SCHIP1: variants seen among roughly 807,000 people sequenced by gnomAD.
The protein encoded by SCHIP1 is schwannomin-interacting protein 1.
SCHIP1 carries 8 observed loss-of-function variants against 29.7 expected under a neutral mutation model. That is an observed-to-expected ratio of 0.27 (90% CI 0.16 to 0.49). SCHIP1 has a LOEUF of 0.49. Among genes scored for constraint, SCHIP1 ranks in the 20% least tolerant of loss-of-function variants. SCHIP1 has a pLI of 0.99. For missense variants in SCHIP1, 193 were observed against 294.6 expected, an observed-to-expected ratio of 0.66 and a Z score of 2.52; for synonymous variants, 76 against 94.9, an observed-to-expected ratio of 0.80 and a Z score of 1.16.
chr3:159,893,118 C>T (rs1560099876), intron 6 of SCHIP1: 1 of 152,068 alleles, frequency 6.6e-6, no homozygotes, highest in Non-Finnish European at 1.5e-5. Flanking sequence ...GACCTCATCT[C>T]AATGTGTAAT....
chr3:159,602,099 T>C, the SCHIP1 span, among the ~76,000 whole-genome samples: 1 of 152,202 alleles, frequency 6.6e-6, no homozygotes, highest in South Asian at 2.1e-4. Flanking sequence ...AGCTCTCCCA[T>C]GGTTCACATC....
At chr3:159,290,493 A>G in the SCHIP1 span, among the ~76,000 whole-genome samples, 1 of 152,166 alleles carries the variant, frequency 6.6e-6, no homozygotes, top group Non-Finnish European at 1.5e-5. Flanking sequence ...TTGAACTTGG[A>G]ACAAGGTAAA....
At chr3:159,859,705 G>A (rs1359231503) in intron 1 of SCHIP1, among the ~76,000 whole-genome samples, 1 of 152,210 alleles carries the variant, frequency 6.6e-6, no homozygotes, top group Non-Finnish European at 1.5e-5. Flanking sequence ...CATGCCACAT[G>A]GAACAGATGT....
At chr3:159,566,785 A>G in the SCHIP1 span, among the ~76,000 whole-genome samples, 1 of 152,202 alleles carries the variant, frequency 6.6e-6, no homozygotes, top group African/African-American at 2.4e-5. Context: ...GGAGGTAACC[A>G]GGAGCAGACC....
At chr3:159,564,244 A>G in the SCHIP1 span, among the ~76,000 whole-genome samples, 1 of 152,208 alleles carries the variant, frequency 6.6e-6, no homozygotes, top group Non-Finnish European at 1.5e-5. Context: ...ACAAGTGCAT[A>G]AGTCCTAAGT....
chr3:159,443,295 A>G, the SCHIP1 span, among the ~76,000 whole-genome samples: 1 of 152,180 alleles, frequency 6.6e-6, no homozygotes, highest in Non-Finnish European at 1.5e-5. Flanking sequence ...TGGTTCTGAA[A>G]TCTTTGGCGT....
the SCHIP1 span, among the ~76,000 whole-genome samples, chr3:159,523,034 C>G: frequency 6.6e-6 from 1 of 152,162 alleles, no homozygotes; most frequent in Non-Finnish European, 1.5e-5. Flanking sequence ...GCCTCAACAA[C>G]TATCACATAT....
At chr3:159,398,281 G>A in the SCHIP1 span, among the ~76,000 whole-genome samples, 22 of 152,164 alleles carry the variant, frequency 1.4e-4, no homozygotes, top group South Asian at 4.2e-4. Context: ...GAAATCACCC[G>A]TCTTCTGCGT....
chr3:159,817,343 G>T, the SCHIP1 span, among the ~76,000 whole-genome samples: 1 of 152,144 alleles, frequency 6.6e-6, no homozygotes, highest in African/African-American at 2.4e-5. Context: ...GAGGAGAGGT[G>T]CATTGTCAAT....
the SCHIP1 span, among the ~76,000 whole-genome samples, chr3:159,690,516 A>G: frequency 1.3e-5 from 2 of 151,968 alleles, no homozygotes; most frequent in African/African-American, 4.8e-5. Context: ...CTAGCAGTCT[A>G]TCTATTTTGT....
chr3:159,274,020 A>C, the SCHIP1 span: 1 of 1,487,354 alleles, frequency 6.7e-7, no homozygotes, highest in South Asian at 1.4e-5. Context: ...TTCAGAATTA[A>C]GCATTTAAGG....
chr3:159,692,297 T>C, the SCHIP1 span, among the ~76,000 whole-genome samples: 1 of 152,240 alleles, frequency 6.6e-6, no homozygotes, highest in African/African-American at 2.4e-5. Context: ...GAAGTTCTCC[T>C]GGATAATATC....
the SCHIP1 span, among the ~76,000 whole-genome samples, chr3:159,571,967 G>T: frequency 6.6e-6 from 1 of 152,108 alleles, no homozygotes; most frequent in Non-Finnish European, 1.5e-5. Context: ...GGGATCGGTG[G>T]TGATATCTCC....
the SCHIP1 span, among the ~76,000 whole-genome samples, chr3:159,367,138 G>A: frequency 6.6e-6 from 1 of 152,056 alleles, no homozygotes; most frequent in African/African-American, 2.4e-5. Context: ...CTCTCTTTAA[G>A]AGCCTCCAGG....
the SCHIP1 span, among the ~76,000 whole-genome samples, chr3:159,347,678 C>G: frequency 6.6e-6 from 1 of 152,084 alleles, no homozygotes; most frequent in Non-Finnish European, 1.5e-5. Flanking sequence ...AGAAAATACT[C>G]CAGGTTTTTT....
At chr3:159,795,783 T>C in the SCHIP1 span, among the ~76,000 whole-genome samples, 26 of 152,262 alleles carry the variant, frequency 1.7e-4, no homozygotes, top group African/African-American at 6.3e-4. Context: ...TGTAAAATTA[T>C]GGAGACAAGG....
chr3:159,752,816 G>A, the SCHIP1 span, among the ~76,000 whole-genome samples: 3 of 152,186 alleles, frequency 2.0e-5, no homozygotes, highest in Non-Finnish European at 4.4e-5. Flanking sequence ...TGGTAGGGAT[G>A]CAGATCCAAA....
At chr3:159,638,081 G>C in the SCHIP1 span, among the ~76,000 whole-genome samples, 1 of 152,128 alleles carries the variant, frequency 6.6e-6, no homozygotes, top group South Asian at 2.1e-4. Context: ...AAGTAAAATA[G>C]TCTCATGTTC....
the SCHIP1 span, among the ~76,000 whole-genome samples, chr3:159,278,405 C>A: frequency 6.6e-6 from 1 of 152,026 alleles, no homozygotes; most frequent in Non-Finnish European, 1.5e-5. Context: ...GAGAAAAAAG[C>A]AGAACTGGAG....
Sources: allele counts gnomAD v4.1 joint callset (sites outside exome capture counted in the v4.1 genomes callset), GRCh38; gene constraint gnomAD v4.1.1; transcripts MANE v1.5; gene names NCBI Gene and HGNC (gene_info 2026-07-23, HGNC 2026-07-21).